Variants in PIEZO2 observed in about 807,000 individuals in gnomAD.
The protein encoded by PIEZO2 is piezo type mechanosensitive ion channel component 2, also known as piezo-type mechanosensitive ion channel component 2.
Under a neutral mutation model 337.3 loss-of-function variants are expected in PIEZO2, and 172 were observed. The ratio of observed to expected loss-of-function variants is 0.51; its 90% CI spans 0.45 to 0.58. The LOEUF is 0.58. Ranked by LOEUF, PIEZO2 falls within the 20% of genes least tolerant of loss-of-function variation. The probability of loss-of-function intolerance (pLI) is 0.00; values close to 1 mark genes in which losing one functional copy is unlikely to be tolerated. For synonymous variants in PIEZO2, 1,251 were observed against 1,228.5 expected, an observed-to-expected ratio of 1.02 and a Z score of -0.38; for missense variants, 3,028 against 3,391.3, an observed-to-expected ratio of 0.89 and a Z score of 2.66.
In PIEZO2 at chr18:10,872,919, A is replaced by G. The variant is rs2042173644; in HGVS notation, c.330-1504T>C. On this transcript the variant is annotated intron_variant, in intron 4 of 55. Transcript: ENST00000674853. This position sits in a 1 kb window ranked among gnomAD's most constrained non-coding sequence, Gnocchi z 4.3. ...CATTAAAACTTCTGGGGAAGATAAGATGATCCATGGAAAAATCAAGCATAG... is the reference window on the plus strand; with the variant it reads ...CATTAAAACTTCTGGGGAAGATAAGGTGATCCATGGAAAAATCAAGCATAG... 6.6e-6 allele frequency among the ~76,000 whole-genome samples: 1 copy of G among 152,186 alleles called. No homozygotes were observed. The highest frequency in any genetic ancestry group is 2.1e-4 in the South Asian group (1 of 4,832).
In PIEZO2 at chr18:11,143,688, CAT is replaced by C. The variant is rs2040734549; in HGVS notation, c.64+4835_64+4836del. ...TCTCTCTCTCACTCTCTCTCTCTCA[CAT>C]AATTTGGCTCTAGGAAGGCACTAAG... On this transcript the variant is annotated intron_variant, in intron 1 of 55. Coordinates refer to ENST00000674853, the MANE Select transcript of PIEZO2 (RefSeq NM_001378183.1). The surrounding 1 kb of genome is among the most constrained non-coding windows in gnomAD (Gnocchi z 4.9). 6.7e-6 allele frequency among the ~76,000 whole-genome samples: 1 copy of C among 150,212 alleles called. No individual in the cohort carries two copies. The highest frequency in any genetic ancestry group is 2.4e-5 in the African/African-American group (1 of 41,056).
intron 49 of PIEZO2, among the ~76,000 whole-genome samples, chr18:10,688,253 G>A (rs113205367): frequency 0.055 from 8,329 of 152,148 alleles, 251 homozygotes; most frequent in Middle Eastern, 0.085. Flanking sequence ...GAGAACATGC[G>A]GTGTTTGGTC....
chr18:10,884,429 T>C (rs1438703290), intron 4 of PIEZO2, among the ~76,000 whole-genome samples: 3 of 152,206 alleles, frequency 2.0e-5, no homozygotes, highest in African/African-American at 7.2e-5. Context: ...GTTATTCTTA[T>C]AGCTTATTGT....
chr18:10,912,190 A>G (rs548357882), intron 3 of PIEZO2, among the ~76,000 whole-genome samples: 2 of 152,286 alleles, frequency 1.3e-5, no homozygotes, highest in South Asian at 2.1e-4. Flanking sequence ...CAATTTTTCT[A>G]TGTAATATTT....
chr18:10,924,637 C>G (rs2031617266), intron 3 of PIEZO2, among the ~76,000 whole-genome samples: 1 of 152,062 alleles, frequency 6.6e-6, no homozygotes, highest in Non-Finnish European at 1.5e-5. Context: ...GCATTTTTGC[C>G]CAACAAAAAT....
In PIEZO2 at chr18:10,855,825, A is replaced by G. The variant is rs2041689070; in HGVS notation, c.704-259T>C. Among the ~76,000 whole-genome samples, 1 of 152,224 alleles carries G rather than the reference A, an allele frequency of 6.6e-6. No individual in the cohort carries two copies. The highest frequency in any genetic ancestry group is 1.5e-5 in the Non-Finnish European group (1 of 68,038). ...AAAAAAATTCCACCTGTGGCGTCTG[A>G]ACTAAGTAAATGTCTACTTTTCATA... is the stretch of plus-strand genomic sequence containing the variant. On this transcript the variant is annotated intron_variant, in intron 6 of 55. Coordinates refer to ENST00000674853, the MANE Select transcript of PIEZO2 (RefSeq NM_001378183.1). This position sits in a 1 kb window ranked among gnomAD's most constrained non-coding sequence, Gnocchi z 4.9.
At chr18:11,123,362 G>T (rs1384862218) in intron 1 of PIEZO2, among the ~76,000 whole-genome samples, 1 of 152,188 alleles carries the variant, frequency 6.6e-6, no homozygotes, top group African/African-American at 2.4e-5. Context: ...TGAAATGAAG[G>T]CAAGCTAATT....
intron 1 of PIEZO2, among the ~76,000 whole-genome samples, chr18:11,075,419 A>G (rs2038493711): frequency 6.6e-6 from 1 of 152,230 alleles, no homozygotes; most frequent in Non-Finnish European, 1.5e-5. Flanking sequence ...CACCTGATTC[A>G]TTGTCTATCA....
rs1183726716 is a variant in PIEZO2 at position 11,132,462 on chromosome 18, T to C, written c.64+16063A>G. On this transcript the variant is annotated intron_variant, in intron 1 of 55. Coordinates refer to ENST00000674853, the MANE Select transcript of PIEZO2 (RefSeq NM_001378183.1). The surrounding 1 kb of genome is among the most constrained non-coding windows in gnomAD (Gnocchi z 4.7). ...ACTTTGCAGGGCTGGGGCAAAGTTCTCCAGAAGGCCGTGTATGCTCTGAAT... is the reference window on the plus strand; with the variant it reads ...ACTTTGCAGGGCTGGGGCAAAGTTCCCCAGAAGGCCGTGTATGCTCTGAAT... Among the ~76,000 whole-genome samples the C allele has an allele frequency of 2.0e-5, 3 of 152,162 alleles. No homozygotes were observed. Among genetic ancestry groups the C allele is most frequent in the African/African-American group, 7.2e-5 (3 of 41,446 alleles).
chr18:10,691,443 G>A, intron 47 of PIEZO2, 60 bp from the exon 48 acceptor site: 1 of 1,532,866 alleles, frequency 6.5e-7, no homozygotes, highest in South Asian at 1.2e-5. Context: ...CAAAAGGATG[G>A]CAGTGTCAAA....
rs1487982190 is a variant in PIEZO2, at chr18:10,707,520, T to C, written c.5588+755A>G. Reference sequence around the variant, plus strand: ...AAACGAAACTTGTCTTGGATTAGGCTGTTTTCGTGTCAGGAGAAACACAGT... The same window carrying C: ...AAACGAAACTTGTCTTGGATTAGGCCGTTTTCGTGTCAGGAGAAACACAGT... On this transcript the variant is annotated intron_variant, in intron 40 of 55. Transcript: ENST00000674853. The surrounding 1 kb of genome is among the most constrained non-coding windows in gnomAD (Gnocchi z 4.2). 6.6e-6 allele frequency among the ~76,000 whole-genome samples: 1 copy of C among 152,174 alleles called. No homozygotes were observed. The highest frequency in any genetic ancestry group is 2.4e-5 in the African/African-American group (1 of 41,440).
chr18:10,838,166 C>A (rs2041077890), intron 7 of PIEZO2, among the ~76,000 whole-genome samples: 1 of 152,152 alleles, frequency 6.6e-6, no homozygotes, highest in African/African-American at 2.4e-5. Flanking sequence ...GGCATCCCAT[C>A]CTATAATACT....
intron 7 of PIEZO2, among the ~76,000 whole-genome samples, chr18:10,814,002 C>T (rs1257958087): frequency 1.3e-5 from 2 of 150,124 alleles, no homozygotes; most frequent in Non-Finnish European, 3.0e-5. Context: ...GAGTTTTGCT[C>T]TGTGGCCCAG....
intron 44 of PIEZO2, among the ~76,000 whole-genome samples, chr18:10,698,345 G>T (rs1004673200): frequency 6.6e-6 from 1 of 151,562 alleles, no homozygotes; most frequent in Non-Finnish European, 1.5e-5. Flanking sequence ...CTTCAGACAG[G>T]AGCCCCATAA....
intron 48 of PIEZO2, among the ~76,000 whole-genome samples, chr18:10,690,930 ATACT>A (rs2034791864): frequency 6.6e-6 from 1 of 152,202 alleles, no homozygotes; most frequent in African/African-American, 2.4e-5. Flanking sequence ...AAGTATATAA[ATACT>A]TACAGATCAT....
At chr18:10,944,517 G>GATTAT (rs1555680337) in intron 3 of PIEZO2, among the ~76,000 whole-genome samples, 1 of 49,854 alleles carries the variant, frequency 2.0e-5, no homozygotes, top group East Asian at 4.0e-4. Context: ...CTTAGTAACA[G>GATTAT]ATATATATAT....
chr18:10,740,101 C>G (rs895872182), intron 33 of PIEZO2: 1 of 132,160 alleles, frequency 7.6e-6, no homozygotes, highest in Non-Finnish European at 1.6e-5. Flanking sequence ...AGACTGAAGA[C>G]GACATTATAC....
intron 48 of PIEZO2, 58 bp downstream of exon 48, chr18:10,691,167 T>C: frequency 6.5e-7 from 1 of 1,549,222 alleles, no homozygotes; most frequent in Non-Finnish European, 8.8e-7. Flanking sequence ...GGAATCAAAA[T>C]GCCTTTCCAC....
Position 10,724,811 on chromosome 18 carries a change from C to A in PIEZO2, c.5030-6552G>T. The A allele has an allele frequency of 6.3e-7, 1 of 1,591,184 alleles. No individual in the cohort carries two copies. Among genetic ancestry groups the A allele is most frequent in the Non-Finnish European group, 8.6e-7 (1 of 1,167,206 alleles). ...CTGCAGCCCCAGCCTGAGCAGCAGTCGTTCTCACAGATGCACCTGGGCCAC... is the reference window on the plus strand; with the variant it reads ...CTGCAGCCCCAGCCTGAGCAGCAGTAGTTCTCACAGATGCACCTGGGCCAC... On this transcript the variant is annotated intron_variant, in intron 36 of 55. Transcript: ENST00000674853. This position sits in a 1 kb window ranked among gnomAD's most constrained non-coding sequence, Gnocchi z 5.8.
Sources: gnomAD v4.1 joint callset for allele counts (sites outside exome capture counted in the v4.1 genomes callset) on GRCh38, gnomAD v4.1.1 for gene constraint, Gnocchi (gnomAD v3.1) non-coding constraint, MANE v1.5 for transcripts, NCBI Gene and HGNC (gene_info 2026-07-23, HGNC 2026-07-21) for gene names.